The following ULK1 variants were observed in gnomAD, a reference collection of about 807,000 sequenced individuals.
The protein encoded by ULK1 is serine/threonine-protein kinase ULK1.
A neutral mutation model predicts 117.5 loss-of-function variants in ULK1; 48 were observed. The observed-to-expected ratio is 0.41, with a 90% CI of 0.32 to 0.52. ULK1 has a LOEUF of 0.52. ULK1 is among the 20% of genes least tolerant of loss of function. The pLI is 0.29. For synonymous variants in ULK1, 790 were observed against 637.8 expected (o/e 1.24, Z -3.60); for missense variants, 1,387 against 1,473.4 (o/e 0.94, Z 0.96).
chr12:131,921,582 G>T lies in ULK1; in HGVS notation c.*221G>T. The T allele has an allele frequency of 2.9e-6, 2 of 679,260 alleles. No individual in the cohort carries two copies. Among genetic ancestry groups the T allele is most frequent in the Non-Finnish European group, 5.0e-6 (2 of 403,040 alleles). 42.1% of individuals were successfully genotyped at this position (679,260 alleles called of 1,614,324 possible). A position where few individuals can be genotyped will look rare whatever the true frequency, so the allele number is the denominator to read the frequency against. ...TGGGGGGTGTCTCCCATCTTTTACA[G>T]GTGGGGATCACAGAATTTCTGCCCC... On this transcript the variant is annotated 3_prime_UTR_variant, in exon 28 of 28. Transcript: ENST00000321867.
chr12:131,914,592 C>A, intron 16 of ULK1, 115 bp downstream of exon 16: 1 of 1,367,724 alleles, frequency 7.3e-7, no homozygotes, highest in Non-Finnish European at 9.8e-7. Context: ...GTGCAGGCTG[C>A]GCACTGCGTA....
chr12:131,917,424 C>T lies in ULK1; in HGVS notation c.2196C>T (p.Gly732=), dbSNP rs552915801. ...EKPMEIAPSA[G]FGGSLHPGAR... is the part of the protein sequence containing the mutation. ...TTGCTCTCCCAGCACCCTCAGCTGG[C>T]TTTGGAGGGAGCCTGCACCCAGGAG... The change falls in exon 22 of 28, where the codon GGC becomes GGT. Residue 732 remains glycine, a synonymous_variant. Transcript: ENST00000321867. 357 of 1,533,864 alleles carry T rather than the reference C, an allele frequency of 2.3e-4. 4 individuals are homozygous for T. In the South Asian group the frequency reaches 4.0e-3, roughly 17 times the overall value.
chr12:131,908,996 G>T (rs12311271), intron 7 of ULK1, 25 bp downstream of exon 7: 5 of 1,612,776 alleles, frequency 3.1e-6, no homozygotes, highest in Non-Finnish European at 4.2e-6. Flanking sequence ...GCCGGGCTGT[G>T]CCGGGTGGGC....
At position 131,911,376 on chromosome 12, in the gene ULK1, G is replaced by A. The variant is rs892161609; in HGVS notation, c.949-566G>A. ...GTCCTCTGACCTTGGTTGTCTGCCT[G>A]TATCATGGCCGAAAGCTCAGATGTG... On this transcript the variant is annotated intron_variant, in intron 12 of 27. Transcript: ENST00000321867. Among the ~76,000 whole-genome samples the A allele has an allele frequency of 1.2e-4, 19 of 152,360 alleles. 1 individual carries two copies. The South Asian group carries it at 1.7e-3, about 13-fold the overall frequency.
chr12:131,908,840 G>A, intron 6 of ULK1, 23 bp downstream of exon 6: 2 of 1,604,586 alleles, frequency 1.2e-6, no homozygotes, highest in Non-Finnish European at 1.7e-6. Context: ...GCAGGCAGGC[G>A]GGCCCGGCGG....
intron 21 of ULK1, 35 bp downstream of exon 21, chr12:131,917,097 T>TCGGGGGCTGTGGGAC: frequency 4.5e-6 from 2 of 441,856 alleles, no homozygotes; most frequent in South Asian, 3.7e-5. Context: ...GGCTGTGGGA[T>TCGGGGGCTGTGGGAC]GGGGGTCGGA....
At chr12:131,909,710 G>T in intron 8 of ULK1, 65 bp from the exon 9 acceptor site, 2 of 1,462,054 alleles carry the variant, frequency 1.4e-6, no homozygotes, top group South Asian at 1.3e-5. Flanking sequence ...CGAACGCACC[G>T]AGACCCCGTG....
chr12:131,920,435 C>T, intron 26 of ULK1: 1 of 376,752 alleles, frequency 2.7e-6, no homozygotes, highest in Non-Finnish European at 4.9e-6. Context: ...AGGTGTCAGC[C>T]TCCAGAAGCA....
chr12:131,898,845 G>A (rs886838697), intron 3 of ULK1, among the ~76,000 whole-genome samples: 1 of 151,744 alleles, frequency 6.6e-6, no homozygotes, highest in Admixed American at 6.6e-5. Flanking sequence ...CCGAGCATGG[G>A]AATGTTAGAA....
chr12:131,908,849 G>C (rs567759604), intron 6 of ULK1, 32 bp downstream of exon 6: 2 of 1,606,418 alleles, frequency 1.2e-6, no homozygotes, highest in Non-Finnish European at 1.7e-6. Context: ...CGGGCCCGGC[G>C]GGGAGGGGCT....
Position 131,917,525 on chromosome 12 carries a change from C to G in ULK1, c.2297C>G (p.Pro766Arg), listed in dbSNP as rs746422452. 7 of 1,449,196 alleles carry G rather than the reference C, an allele frequency of 4.8e-6. No individual in the cohort carries two copies. Among genetic ancestry groups the G allele is most frequent in the Non-Finnish European group, 5.5e-6 (6 of 1,097,204 alleles). The allele number at this position is 1,449,196 out of a possible 1,614,324, so 89.8% of individuals were successfully genotyped here. Residue 766 changes from proline to arginine, a missense_variant, in exon 22 of 28, where the codon CCC (proline) becomes CGC (arginine). Transcript: ENST00000321867. The stretch of plus-strand genomic sequence containing the variant: ...TCTCCCCCGAGCGGGAGCACGCCCC[C>G]CCAGGGCCCCCGCACCAGGATGTTC... ...VGSPPSGSTP[P>R]QGPRTRMFSA...
chr12:131,916,834 C>A, intron 20 of ULK1, 119 bp from the exon 21 acceptor site: 1 of 1,047,724 alleles, frequency 9.5e-7, no homozygotes, highest in Non-Finnish European at 1.4e-6. Context: ...GAGCGCCTGC[C>A]TCTCGAGGTG....
chr12:131,907,080 G>C (rs765096558), intron 4 of ULK1, among the ~76,000 whole-genome samples, 156 bp downstream of exon 4: 1 of 152,072 alleles, frequency 6.6e-6, no homozygotes, highest in Non-Finnish European at 1.5e-5. Context: ...GCAGTGCTGC[G>C]ATCTCAGCTT....
chr12:131,916,636 C>G (rs761614560), intron 20 of ULK1, 45 bp downstream of exon 20: 2 of 1,489,366 alleles, frequency 1.3e-6, no homozygotes, highest in South Asian at 1.3e-5. Flanking sequence ...GAGGGGCAGC[C>G]TCTTTCCCCT....
chr12:131,918,680 A>G lies in ULK1; in HGVS notation c.2510A>G (p.Glu837Gly). ...GACCTCCCTGAGGAGACCCTCATGGAGGTGAGGGCTGGAGTGAGCAAAGGT... is the reference window on the plus strand; with the variant it reads ...GACCTCCCTGAGGAGACCCTCATGGGGGTGAGGGCTGGAGTGAGCAAAGGT... ...APDLPEETLM[E>G]QEHTEILRGL... The change falls in exon 23 of 28, where the codon GAG (glutamate) becomes GGG (glycine). Residue 837 changes from glutamate (E) to glycine (G), a missense_variant and splice_region_variant. Glu to Gly is a moderately conservative substitution (Grantham distance 98). Around this residue, in one of 4 missense-constraint regions of ULK1, gnomAD observed 900 missense variants for 858.9 expected, o/e 1.05. Coordinates refer to ENST00000321867, the MANE Select transcript of ULK1 (RefSeq NM_003565.4). The G allele has an allele frequency of 1.4e-6, 2 of 1,428,396 alleles. No individual in the cohort carries two copies. The highest frequency in any genetic ancestry group is 9.4e-7 in the Non-Finnish European group (1 of 1,065,622). 88.5% of individuals were successfully genotyped at this position (1,428,396 alleles called of 1,614,324 possible). A position where few individuals can be genotyped will look rare whatever the true frequency, so the allele number is the denominator to read the frequency against.
Position 131,915,329 on chromosome 12 carries a change from C to T in ULK1, c.1523-6C>T. The stretch of plus-strand genomic sequence containing the variant: ...TGGACCCTGACAGATCTCTCTTTTC[C>T]CCAAGTTGGAACCATCCCTGAGCGG... On this transcript the variant is annotated splice_region_variant and splice_polypyrimidine_tract_variant and intron_variant, in intron 17 of 27. Transcript: ENST00000321867. 6.2e-7 allele frequency: 1 copy of T among 1,612,674 alleles called. No homozygotes were observed.
Position 131,913,730 on chromosome 12 carries a change from TC to T in ULK1, c.1158-14del, listed in dbSNP as rs758002376. The stretch of plus-strand genomic sequence containing the variant: ...AAAAAACAAAAAAATGCCCTTGGCC[TC>T]CCTTCTGCCCCACAGGAGCTCACTG... On this transcript the variant is annotated splice_polypyrimidine_tract_variant and intron_variant, in intron 14 of 27. Coordinates refer to ENST00000321867, the MANE Select transcript of ULK1 (RefSeq NM_003565.4). The T allele has an allele frequency of 6.8e-7, 1 of 1,463,248 alleles. No homozygotes were observed. Among genetic ancestry groups the T allele is most frequent in the East Asian group, 2.6e-5 (1 of 38,320 alleles). 90.6% of individuals were successfully genotyped at this position (1,463,248 alleles called of 1,614,324 possible).
In ULK1 at chr12:131,903,028, G is replaced by A. The variant is rs1381802827; in HGVS notation, c.247-3864G>A. Among the ~76,000 whole-genome samples the A allele has an allele frequency of 6.6e-6, 1 of 152,178 alleles. No homozygotes were observed. The highest frequency in any genetic ancestry group is 2.4e-5 in the African/African-American group (1 of 41,446). The stretch of plus-strand genomic sequence containing the variant: ...GAGCCCGATGCCCTGTGTGGGTTCT[G>A]GGTGGGCCCAGGGGAGGTCAGCTGT... On this transcript the variant is annotated intron_variant, in intron 3 of 27. Transcript: ENST00000321867. This position sits in a 1 kb window ranked among gnomAD's most constrained non-coding sequence, Gnocchi z 6.0.
At position 131,916,537 on chromosome 12, in the gene ULK1, A is replaced by C; in HGVS notation, c.2018A>C (p.Gln673Pro). 1 of 1,610,092 alleles carries C rather than the reference A, an allele frequency of 6.2e-7. No homozygotes were observed. The highest frequency in any genetic ancestry group is 8.5e-7 in the Non-Finnish European group (1 of 1,179,498). The change falls in exon 20 of 28, where the codon CAG (glutamine) becomes CCG (proline). Residue 673 changes from glutamine (Q) to proline (P), a missense_variant. Coordinates refer to ENST00000321867, the MANE Select transcript of ULK1 (RefSeq NM_003565.4). The stretch of plus-strand genomic sequence containing the variant: ...TCGGAGGTGGGACCCTTCCATGGTC[A>C]GCCGTTGGGCCCTGGCCTGCGGCCA... Reference protein sequence around the residue: ...DLSEVGPFHGQPLGPGLRPGE... With the variant: ...DLSEVGPFHGPPLGPGLRPGE...
Sources: gnomAD v4.1 joint callset for allele counts (sites outside exome capture counted in the v4.1 genomes callset) on GRCh38, gnomAD v4.1.1 for gene constraint, gnomAD v4.1.1 regional missense constraint, Gnocchi (gnomAD v3.1) non-coding constraint, MANE v1.5 for transcripts, NCBI Gene and HGNC (gene_info 2026-07-23, HGNC 2026-07-21) for gene names.